PKN2: variants seen among roughly 807,000 people sequenced by gnomAD.
PKN2 encodes protein kinase N2.
In PKN2, 38 loss-of-function variants were observed where a neutral mutation model predicts 119.1. The observed-to-expected ratio is 0.32, with a 90% CI of 0.25 to 0.42. The LOEUF (loss-of-function observed/expected upper bound fraction) is 0.42, where lower values mean the gene tolerates loss of function less well. Among genes scored for constraint, PKN2 ranks in the 10% least tolerant of loss-of-function variants. The probability of loss-of-function intolerance (pLI) is 1.00; values close to 1 mark genes in which losing one functional copy is unlikely to be tolerated. For synonymous variants in PKN2, 390 were observed against 384.9 expected (o/e 1.01, Z -0.15); for missense variants, 850 against 1,165.1 (o/e 0.73, Z 3.94).
At chr1:88,763,820 T>G (rs921544671) in intron 3 of PKN2, among the ~76,000 whole-genome samples, 4 of 152,150 alleles carry the variant, frequency 2.6e-5, no homozygotes, top group Admixed American at 1.3e-4. Flanking sequence ...AGTCAAAGAT[T>G]ATTCTTAGAT....
chr1:88,740,398 G>C (rs1668530868), intron 1 of PKN2, among the ~76,000 whole-genome samples: 1 of 151,980 alleles, frequency 6.6e-6, no homozygotes, highest in South Asian at 2.1e-4. Context: ...ATAAATTTAA[G>C]GGATACAAGT....
chr1:88,764,392 T>A (rs1008895589), intron 3 of PKN2, among the ~76,000 whole-genome samples: 3 of 152,214 alleles, frequency 2.0e-5, no homozygotes, highest in African/African-American at 7.2e-5. Context: ...TAACCCTTCA[T>A]TGCATTACCA....
rs376984180 is a variant in PKN2 at position 88,740,968 on chromosome 1, T to C, written c.49-20T>C. The stretch of plus-strand genomic sequence containing the variant: ...CAACTCTCCTAAACTCCCACATTTG[T>C]ATGTTTATTTTTTCTGTAGGGGGAT... On this transcript the variant is annotated intron_variant, in intron 1 of 21. Transcript: ENST00000370521. 14 of 1,520,776 alleles carry C rather than the reference T, an allele frequency of 9.2e-6. No individual in the cohort carries two copies. The highest frequency in any genetic ancestry group is 1.8e-4 in the Middle Eastern group (1 of 5,698). The allele number at this position is 1,520,776 out of a possible 1,614,324, so 94.2% of individuals were successfully genotyped here.
chr1:88,797,932 C>T (rs906640138), intron 8 of PKN2, among the ~76,000 whole-genome samples: 5 of 152,014 alleles, frequency 3.3e-5, no homozygotes, highest in African/African-American at 9.7e-5. Flanking sequence ...CTGGGCAACA[C>T]AGCAAGACTT....
intron 1 of PKN2, among the ~76,000 whole-genome samples, chr1:88,706,611 T>A (rs1232765905): frequency 1.3e-5 from 2 of 152,094 alleles, no homozygotes; most frequent in African/African-American, 4.8e-5. Flanking sequence ...GTTGTATGAG[T>A]TTTGTATTTG....
At chr1:88,803,657 G>A (rs9428015) in intron 8 of PKN2, among the ~76,000 whole-genome samples, 113,358 of 152,092 alleles carry the variant, frequency 0.75, 42,935 homozygotes, top group African/African-American at 0.89. Flanking sequence ...ATTATTTTCA[G>A]TGTCTACTGT....
intron 8 of PKN2, among the ~76,000 whole-genome samples, chr1:88,796,254 C>G (rs1313522082): frequency 1.3e-5 from 2 of 152,224 alleles, no homozygotes; most frequent in Non-Finnish European, 2.9e-5. Flanking sequence ...TGAGCATTGC[C>G]TTTCATTGTC....
chr1:88,714,729 T>G (rs1004826350), intron 1 of PKN2, among the ~76,000 whole-genome samples: 1 of 152,210 alleles, frequency 6.6e-6, no homozygotes, highest in Non-Finnish European at 1.5e-5. Flanking sequence ...CAGGGACAAT[T>G]TGACTTCCTC....
chr1:88,725,104 A>G (rs978218705), intron 1 of PKN2, among the ~76,000 whole-genome samples: 3 of 152,088 alleles, frequency 2.0e-5, no homozygotes, highest in South Asian at 4.2e-4. Flanking sequence ...ATATGCCACA[A>G]TATGTTTATC....
chr1:88,716,093 T>C (rs1667438318), intron 1 of PKN2, among the ~76,000 whole-genome samples: 1 of 152,214 alleles, frequency 6.6e-6, no homozygotes, highest in South Asian at 2.1e-4. Context: ...TTCCATGTAG[T>C]TGTGTGGTTT....
chr1:88,749,536 T>C (rs1170000699), intron 2 of PKN2, among the ~76,000 whole-genome samples: 2 of 152,194 alleles, frequency 1.3e-5, no homozygotes, highest in Admixed American at 6.5e-5. Flanking sequence ...GTTGGTGATA[T>C]ATGACAAGGG....
In PKN2 at chr1:88,741,205, C is replaced by A; in HGVS notation, c.266C>A (p.Ser89Ter). Residue 89 changes from serine to a stop codon, truncating the protein, a stop_gained, in exon 2 of 22, where the codon TCA becomes TAA. Coordinates refer to ENST00000370521, the MANE Select transcript of PKN2 (RefSeq NM_006256.4). LOFTEE classifies it high-confidence loss of function. ...LAYVDNILKK[S>*]NKKLEELHHK... ...TATGTAGACAACATTTTGAAAAAATCAAATAAAAAATTAGAAGAACTACAT... is the reference window on the plus strand; with the variant it reads ...TATGTAGACAACATTTTGAAAAAATAAAATAAAAAATTAGAAGAACTACAT... The A allele has an allele frequency of 6.2e-7, 1 of 1,601,122 alleles. No individual in the cohort carries two copies. The highest frequency in any genetic ancestry group is 1.1e-5 in the South Asian group (1 of 87,614).
chr1:88,765,905 A>G (rs2100791970), intron 3 of PKN2, among the ~76,000 whole-genome samples: 1 of 152,240 alleles, frequency 6.6e-6, no homozygotes. Context: ...TCCACCTCCC[A>G]GGTTCAAGTG....
intron 1 of PKN2, among the ~76,000 whole-genome samples, chr1:88,732,862 A>G (rs923963585): frequency 2.0e-5 from 3 of 152,214 alleles, no homozygotes; most frequent in African/African-American, 7.2e-5. Context: ...GTCATTTCAG[A>G]CAACGTGAAT....
At chr1:88,819,866 A>G (rs1672174744) in intron 16 of PKN2, among the ~76,000 whole-genome samples, 1 of 152,114 alleles carries the variant, frequency 6.6e-6, no homozygotes, top group Non-Finnish European at 1.5e-5. Context: ...CAGGACATGG[A>G]TGAAGCTGGA....
chr1:88,781,271 T>C, intron 6 of PKN2: 1 of 513,086 alleles, frequency 1.9e-6, no homozygotes, highest in Non-Finnish European at 2.9e-6. Context: ...AATTTGCCAG[T>C]TTGTTGCTAC....
chr1:88,767,182 T>C (rs1203224423), intron 3 of PKN2, among the ~76,000 whole-genome samples: 1 of 152,204 alleles, frequency 6.6e-6, no homozygotes, highest in Non-Finnish European at 1.5e-5. Flanking sequence ...GCCAATTATG[T>C]GCTAGGCAAG....
chr1:88,819,089 C>T (rs748197965), intron 16 of PKN2, among the ~76,000 whole-genome samples: 107 of 151,742 alleles, frequency 7.1e-4, no homozygotes, highest in Non-Finnish European at 1.3e-3. Flanking sequence ...AGAAGAAAAC[C>T]TAGGCAGTAC....
intron 3 of PKN2, among the ~76,000 whole-genome samples, chr1:88,769,167 T>A (rs1458670939): frequency 6.6e-6 from 1 of 152,220 alleles, no homozygotes; most frequent in Non-Finnish European, 1.5e-5. Flanking sequence ...ATCCAAACCA[T>A]ATCAGGCATT....
Sources: allele counts gnomAD v4.1 joint callset (sites outside exome capture counted in the v4.1 genomes callset), GRCh38; gene constraint gnomAD v4.1.1; transcripts MANE v1.5; gene names NCBI Gene and HGNC (gene_info 2026-07-23, HGNC 2026-07-21).